The following PRKG1 variants were observed in gnomAD, a reference collection of about 807,000 sequenced individuals.
The protein encoded by PRKG1 is protein kinase cGMP-dependent 1, also known as cGMP-dependent protein kinase 1.
PRKG1 carries 35 observed loss-of-function variants against 88.1 expected under a neutral mutation model. That is an observed-to-expected ratio of 0.40 (90% CI 0.30 to 0.53). The LOEUF is 0.53. Ranked by LOEUF, PRKG1 falls within the 20% of genes least tolerant of loss-of-function variation. PRKG1 has a pLI of 0.59. For missense variants in PRKG1, 540 were observed against 839.8 expected (o/e 0.64, Z 4.41); for synonymous variants, 303 against 292.5 (o/e 1.04, Z -0.37).
At position 51,064,666 on chromosome 10, in the gene PRKG1, T is replaced by A. The variant is rs192686833; in HGVS notation, c.266+73022T>A. ...GGGCTTACGAAGTATTCTTTCTGAC[T>A]TTTTAAAATTACAGAAAACATCTAC... On this transcript the variant is annotated intron_variant, in intron 1 of 17. Transcript: ENST00000401604. Among the ~76,000 whole-genome samples the A allele has an allele frequency of 7.6e-4, 115 of 152,242 alleles. 1 individual carries two copies. The highest frequency in any genetic ancestry group is 2.7e-3 in the African/African-American group (113 of 41,582).
At chr10:51,158,223 A>G (rs1212653987) in intron 2 of PRKG1, among the ~76,000 whole-genome samples, 1 of 151,888 alleles carries the variant, frequency 6.6e-6, no homozygotes, top group African/African-American at 2.4e-5. Flanking sequence ...TCATAATGAC[A>G]TTAAGAGGTA....
chr10:51,067,270 G>GTATATATATATATATATATA (rs10612353), intron 1 of PRKG1, among the ~76,000 whole-genome samples: 2 of 146,614 alleles, frequency 1.4e-5, no homozygotes, highest in South Asian at 2.1e-4. Flanking sequence ...ATGTATGTGT[G>GTATATATATATATATATATA]TATATATATA....
intron 1 of PRKG1, among the ~76,000 whole-genome samples, chr10:51,150,220 G>T (rs200103199): frequency 6.6e-6 from 1 of 151,994 alleles, no homozygotes; most frequent in East Asian, 1.9e-4. Flanking sequence ...TTGTGATATC[G>T]GCTTTCCCCA....
At chr10:51,839,537 T>A (rs966710108) in intron 4 of PRKG1, among the ~76,000 whole-genome samples, 25 of 152,200 alleles carry the variant, frequency 1.6e-4, no homozygotes, top group African/African-American at 5.3e-4. Flanking sequence ...ATGGGTAATA[T>A]TTTTGAAAGA....
chr10:51,038,068 G>T (rs1589118177), intron 1 of PRKG1, among the ~76,000 whole-genome samples: 1 of 152,048 alleles, frequency 6.6e-6, no homozygotes, highest in Non-Finnish European at 1.5e-5. Flanking sequence ...CCTTCATTAG[G>T]AAATTGCCAG....
intron 3 of PRKG1, among the ~76,000 whole-genome samples, chr10:51,549,278 C>A (rs1842523805): frequency 6.6e-6 from 1 of 151,524 alleles, no homozygotes; most frequent in African/African-American, 2.4e-5. Flanking sequence ...GTGCGTGCCA[C>A]CACGCCCAGC....
intron 1 of PRKG1, among the ~76,000 whole-genome samples, chr10:51,081,164 G>A (rs1054266074): frequency 1.3e-5 from 2 of 152,130 alleles, no homozygotes; most frequent in East Asian, 3.9e-4. Flanking sequence ...GTCTTTTTCA[G>A]CTTCTAGAGG....
chr10:51,587,314 G>GAATAGCAGC (rs1387439828), intron 3 of PRKG1, among the ~76,000 whole-genome samples: 1 of 152,106 alleles, frequency 6.6e-6, no homozygotes, highest in African/African-American at 2.4e-5. Context: ...AAGCTGTAAT[G>GAATAGCAGC]AATAGCAGCA....
chr10:51,081,104 A>T (rs1194678803), intron 1 of PRKG1, among the ~76,000 whole-genome samples: 1 of 152,234 alleles, frequency 6.6e-6, no homozygotes, highest in Non-Finnish European at 1.5e-5. Context: ...TTGCTTATAA[A>T]ATTCATATAA....
intron 5 of PRKG1, among the ~76,000 whole-genome samples, chr10:51,974,563 T>C (rs2133096423): frequency 6.8e-6 from 1 of 146,412 alleles, no homozygotes; most frequent in African/African-American, 2.4e-5. Context: ...ATTCCCTTTA[T>C]TTCTGCAAAT....
In PRKG1 at chr10:51,472,185, G is replaced by C. The variant is rs1412859327; in HGVS notation, c.592+4349G>C. 2.0e-5 allele frequency among the ~76,000 whole-genome samples: 3 copies of C among 151,924 alleles called. No homozygotes were observed. In the East Asian group the frequency reaches 5.8e-4, roughly 29 times the overall value. ...GACTAATTAAGATATTTTACTAAGT[G>C]TCATAGATGTTTTAAGAGCAAAGTT... is the stretch of plus-strand genomic sequence containing the variant. On this transcript the variant is annotated intron_variant, in intron 3 of 17. Transcript: ENST00000373980.
intron 5 of PRKG1, among the ~76,000 whole-genome samples, chr10:51,922,097 G>T (rs528508265): frequency 6.6e-6 from 1 of 151,902 alleles, no homozygotes; most frequent in East Asian, 1.9e-4. Context: ...ATAGATAAAG[G>T]ACTACTTAGA....
chr10:51,445,768 C>A (rs293254), intron 2 of PRKG1, among the ~76,000 whole-genome samples: 91,887 of 151,470 alleles, frequency 0.61, 28,727 homozygotes, highest in Middle Eastern at 0.67. Flanking sequence ...CTGGACACAT[C>A]ATTCTCCACT....
At chr10:51,187,690 T>A (rs1837528098) in intron 2 of PRKG1, among the ~76,000 whole-genome samples, 1 of 152,040 alleles carries the variant, frequency 6.6e-6, no homozygotes, top group South Asian at 2.1e-4. Context: ...TTATCAATAT[T>A]GTGAATTTCC....
chr10:51,363,832 T>C (rs1842536171), intron 2 of PRKG1, among the ~76,000 whole-genome samples: 1 of 151,974 alleles, frequency 6.6e-6, no homozygotes, highest in African/African-American at 2.4e-5. Flanking sequence ...ACGTAAGGTT[T>C]TTTGCATGCA....
chr10:51,907,539 T>C lies in PRKG1; in HGVS notation c.731T>C (p.Ile244Thr), dbSNP rs769855764. The C allele has an allele frequency of 6.2e-7, 1 of 1,613,784 alleles. No individual in the cohort carries two copies. The highest frequency in any genetic ancestry group is 1.1e-5 in the South Asian group (1 of 90,994). ...ACATTCCAGAGCCTTCCTGAAGAGA[T>C]CCTCAGCAAGCTTGCTGATGTCCTT... ...VPTFQSLPEE[I>T]LSKLADVLEE... The change falls in exon 5 of 18, where the codon ATC (isoleucine) becomes ACC (threonine). Residue 244 changes from isoleucine (I) to threonine (T), a missense_variant. Coordinates refer to ENST00000373980, the MANE Select transcript of PRKG1 (RefSeq NM_006258.4).
At position 52,294,138 on chromosome 10, in the gene PRKG1, G is replaced by T. The variant is rs985640834; in HGVS notation, c.*238G>T. 4 of 386,496 alleles carry T rather than the reference G, an allele frequency of 1.0e-5. No individual in the cohort carries two copies. The African/African-American group carries it at 1.2e-4, about 11-fold the overall frequency. 23.9% of individuals were successfully genotyped at this position (386,496 alleles called of 1,614,324 possible). On this transcript the variant is annotated 3_prime_UTR_variant, in exon 18 of 18. Transcript: ENST00000373980. ...GTTGACATGGTGGTCCTGAAGCAAA[G>T]CCTTTCACCAGTAAAAGATGTTTTC...
intron 4 of PRKG1, among the ~76,000 whole-genome samples, chr10:51,887,019 C>T (rs1398950927): frequency 1.3e-5 from 2 of 152,188 alleles, no homozygotes; most frequent in Non-Finnish European, 2.9e-5. Flanking sequence ...CAGAGTCTCA[C>T]TCAGTCACCC....
At chr10:51,162,880 T>C (rs1313216691) in intron 2 of PRKG1, among the ~76,000 whole-genome samples, 4 of 152,170 alleles carry the variant, frequency 2.6e-5, no homozygotes, top group Admixed American at 1.3e-4. Context: ...ACCATACCCA[T>C]CTATTTTTTT....
Sources: gnomAD v4.1 joint callset for allele counts (sites outside exome capture counted in the v4.1 genomes callset) on GRCh38, gnomAD v4.1.1 for gene constraint, MANE v1.5 for transcripts, NCBI Gene and HGNC (gene_info 2026-07-23, HGNC 2026-07-21) for gene names.